CALR: variants seen among roughly 807,000 people sequenced by gnomAD.
CALR encodes CRP55.
In CALR, 15 loss-of-function variants were observed where a neutral mutation model predicts 51.1. The observed-to-expected ratio is 0.29, with a 90% CI of 0.20 to 0.45. The LOEUF is 0.45. Ranked by LOEUF, CALR falls within the 20% of genes least tolerant of loss-of-function variation. The probability of loss-of-function intolerance (pLI) is 1.00; values close to 1 mark genes in which losing one functional copy is unlikely to be tolerated. For missense variants in CALR, 477 were observed against 530.6 expected (o/e 0.90, Z 0.99); for synonymous variants, 239 against 205.9 (o/e 1.16, Z -1.38).
rs1236689355 is a variant in CALR, at chr19:12,939,248, G to C, written c.193+13G>C. The stretch of plus-strand genomic sequence containing the variant: ...GAGAAAGATAAAGGTAAGAGCCTAG[G>C]AGTGGGTGCTCAGATCCGGGAGGAC... On this transcript the variant is annotated intron_variant, in intron 2 of 8. Coordinates refer to ENST00000316448, the MANE Select transcript of CALR (RefSeq NM_004343.4). The C allele has an allele frequency of 3.8e-6, 6 of 1,577,522 alleles. No homozygotes were observed. In the African/African-American group the frequency reaches 6.7e-5, roughly 18 times the overall value.
intron 7 of CALR, among the ~76,000 whole-genome samples, chr19:12,942,130 C>T (rs57171418): frequency 3.3e-5 from 5 of 151,748 alleles, no homozygotes; most frequent in South Asian, 2.1e-4. Context: ...GAGGCCAAGG[C>T]GGGTGGATCA....
chr19:12,940,179 A>G, intron 4 of CALR, 32 bp downstream of exon 4: 1 of 1,610,492 alleles, frequency 6.2e-7, no homozygotes, highest in South Asian at 1.1e-5. Context: ...AATGGCTGTC[A>G]TGGGGAGATT....
chr19:12,939,317 T>TC (rs1971512266), intron 2 of CALR, 82 bp downstream of exon 2: 1 of 1,439,460 alleles, frequency 6.9e-7, no homozygotes, highest in African/African-American at 1.4e-5. Context: ...GCCGGGACAG[T>TC]CCCCTTGGAG....
At chr19:12,942,361 A>C (rs946272980) in intron 7 of CALR, among the ~76,000 whole-genome samples, 10 of 99,724 alleles carry the variant, frequency 1.0e-4, no homozygotes, top group African/African-American at 3.2e-4. Context: ...ACTCTGTCCC[A>C]AAAAAAAAAA....
chr19:12,940,554 C>G lies in CALR; in HGVS notation c.716C>G (p.Pro239Arg). 6.2e-7 allele frequency: 1 copy of G among 1,614,098 alleles called. No homozygotes were observed. The highest frequency in any genetic ancestry group is 8.5e-7 in the Non-Finnish European group (1 of 1,179,968). ...TCTACCCCCCAGGACTGGGACAAGC[C>G]CGAGCATATCCCTGACCCTGATGCT... ...TDSKPEDWDK[P>R]EHIPDPDAKK... The change falls in exon 6 of 9, where the codon CCC becomes CGC. Residue 239 changes from proline to arginine, a missense_variant. By Grantham distance (103) the Pro-to-Arg change is moderately radical. Transcript: ENST00000316448.
intron 2 of CALR, 73 bp from the exon 3 acceptor site, chr19:12,939,355 C>T: frequency 6.6e-7 from 1 of 1,513,956 alleles, no homozygotes; most frequent in Non-Finnish European, 9.2e-7. Flanking sequence ...GTGGGGGAGT[C>T]TTCTCTATTC....
Position 12,940,347 on chromosome 19 carries a change from T to C in CALR, c.597T>C (p.Asp199=), listed in dbSNP as rs555232175. 9.3e-6 allele frequency: 15 copies of C among 1,614,072 alleles called. No homozygotes were observed. Among genetic ancestry groups the C allele is most frequent in the South Asian group, 3.3e-5 (3 of 91,082 alleles). The change falls in exon 5 of 9, where the codon GAT becomes GAC. Residue 199 remains aspartate (D), a synonymous_variant. Coordinates refer to ENST00000316448, the MANE Select transcript of CALR (RefSeq NM_004343.4). ...SQVESGSLED[D]WDFLPPKKIK... is the part of the protein sequence containing the mutation. The stretch of plus-strand genomic sequence containing the variant: ...TGGAGTCCGGCTCCTTGGAAGACGA[T>C]TGGGACTTCCTGCCACCCAAGAAGA...
Position 12,943,776 on chromosome 19 carries a change from G to GC in CALR, c.1117_1118insC (p.Asp373AlafsTer16). 6.2e-7 allele frequency: 1 copy of GC among 1,602,984 alleles called. No homozygotes were observed. Among genetic ancestry groups the GC allele is most frequent in the Non-Finnish European group, 8.5e-7 (1 of 1,174,468 alleles). ...GCAGAGGCTTAAGGAGGAGGAAGAA[G>GC]ACAAGAAACGCAAAGAGGAGGAGGA... is the stretch of plus-strand genomic sequence containing the variant. On this transcript the variant is annotated frameshift_variant, in exon 9 of 9. Coordinates refer to ENST00000316448, the MANE Select transcript of CALR (RefSeq NM_004343.4). LOFTEE classifies it high-confidence loss of function.
intron 3 of CALR, among the ~76,000 whole-genome samples, 190 bp from the exon 4 acceptor site, chr19:12,939,861 ATT>A (rs34384403): frequency 9.1e-4 from 134 of 147,492 alleles, no homozygotes; most frequent in African/African-American, 3.2e-3. Context: ...TAGAGCACTG[ATT>A]TTTTTTTTTT....
In CALR at chr19:12,940,646, G is replaced by A. The variant is rs1971533282; in HGVS notation, c.808G>A (p.Glu270Lys). Reference protein sequence around the residue: ...EWEPPVIQNPEYKGEWKPRQI... With the variant: ...EWEPPVIQNPKYKGEWKPRQI... ...GGAACCCCCAGTGATTCAGAACCCT[G>A]AGTACAAGGTGAGTTTGGGGCTCTG... is the stretch of plus-strand genomic sequence containing the variant. The change falls in exon 6 of 9, where the codon GAG (glutamate) becomes AAG (lysine). Residue 270 changes from glutamate (E) to lysine (K), a missense_variant. Glu to Lys is a moderately conservative substitution (Grantham distance 56). Transcript: ENST00000316448. 2 of 1,614,104 alleles carry A rather than the reference G, an allele frequency of 1.2e-6. No individual in the cohort carries two copies. The highest frequency in any genetic ancestry group is 1.7e-6 in the Non-Finnish European group (2 of 1,179,944).
At chr19:12,939,278 T>C (rs1468894656) in intron 2 of CALR, 43 bp downstream of exon 2, 1 of 1,458,124 alleles carries the variant, frequency 6.9e-7, no homozygotes, top group South Asian at 1.2e-5. Context: ...GAGGACTTCC[T>C]GGCAGAAGTC....
intron 7 of CALR, 170 bp from the exon 8 acceptor site, chr19:12,943,367 A>T: frequency 1.4e-6 from 1 of 690,622 alleles, no homozygotes; most frequent in Non-Finnish European, 2.6e-6. Context: ...GGCGTGATCC[A>T]CCTCACCTGG....
chr19:12,943,874 G>C lies in CALR; in HGVS notation c.1215G>C (p.Glu405Asp). The C allele has an allele frequency of 6.3e-7, 1 of 1,589,782 alleles. No homozygotes were observed. The highest frequency in any genetic ancestry group is 1.1e-5 in the South Asian group (1 of 87,526). The change falls in exon 9 of 9, where the codon GAG (glutamate) becomes GAC (aspartate). Residue 405 changes from glutamate to aspartate, a missense_variant. Physicochemically the swap from Glu to Asp is conservative, Grantham distance 45 (BLOSUM62 2). Coordinates refer to ENST00000316448, the MANE Select transcript of CALR (RefSeq NM_004343.4). ...EEDEEDKEEDEEEDVPGQAKD... is the reference protein window; with the variant it reads ...EEDEEDKEEDDEEDVPGQAKD... ...ATGAGGAGGACAAGGAGGAAGATGAGGAGGAAGATGTCCCCGGCCAGGCCA... is the reference window on the plus strand; with the variant it reads ...ATGAGGAGGACAAGGAGGAAGATGACGAGGAAGATGTCCCCGGCCAGGCCA...
chr19:12,938,652 CCG>C lies in CALR; in HGVS notation c.-23_-22del. 6.3e-7 allele frequency: 1 copy of C among 1,575,828 alleles called. No homozygotes were observed. The highest frequency in any genetic ancestry group is 1.3e-5 in the African/African-American group (1 of 74,152). On this transcript the variant is annotated 5_prime_UTR_variant, in exon 1 of 9. Transcript: ENST00000316448. ...CTGCCGGAGGGTCGTTTTAAAGGGC[CCG>C]CGCGTTGCCGCCCCCTCGGCCCGCC...
At chr19:12,942,451 G>A (rs758379181) in intron 7 of CALR, among the ~76,000 whole-genome samples, 4 of 151,958 alleles carry the variant, frequency 2.6e-5, no homozygotes, top group Non-Finnish European at 4.4e-5. Flanking sequence ...CATGTAGTAG[G>A]TACCTGAAAA....
chr19:12,939,097 C>G, intron 1 of CALR, 37 bp from the exon 2 acceptor site: 1 of 1,252,752 alleles, frequency 8.0e-7, no homozygotes, highest in South Asian at 1.3e-5. Flanking sequence ...GGGATTAGCA[C>G]AGCCGCTCTG....
At position 12,943,630 on chromosome 19, in the gene CALR, G is replaced by A; in HGVS notation, c.1053+1G>A. 1 of 1,614,162 alleles carries A rather than the reference G, an allele frequency of 6.2e-7. No homozygotes were observed. The highest frequency in any genetic ancestry group is 8.5e-7 in the Non-Finnish European group (1 of 1,180,044). ...CAACGAGACGTGGGGCGTAACAAAGGTGAGGCCTGGTCCTGGTCCTGATGT... is the reference window on the plus strand; with the variant it reads ...CAACGAGACGTGGGGCGTAACAAAGATGAGGCCTGGTCCTGGTCCTGATGT... On this transcript the variant is annotated splice_donor_variant, in intron 8 of 8. Transcript: ENST00000316448. LOFTEE classifies it high-confidence loss of function.
chr19:12,938,815 G>T (rs776407451), intron 1 of CALR, 45 bp downstream of exon 1: 258 of 1,416,020 alleles, frequency 1.8e-4, no homozygotes, highest in Middle Eastern at 1.2e-3. Context: ...GACGCGGCCG[G>T]CCCCCGATCC....
Position 12,939,473 on chromosome 19 carries a change from G to C in CALR, c.239G>C (p.Ser80Thr), listed in dbSNP as rs777068782. ...QDARFYALSA[S>T]FEPFSNKGQT... ...GCACGCTTTTATGCTCTGTCGGCCA[G>C]TTTCGAGCCTTTCAGCAACAAAGGC... is the stretch of plus-strand genomic sequence containing the variant. Residue 80 changes from serine to threonine, a missense_variant, in exon 3 of 9, where the codon AGT (serine) becomes ACT (threonine). By Grantham distance (58) the Ser-to-Thr change is moderately conservative. Transcript: ENST00000316448. 8 of 1,612,584 alleles carry C rather than the reference G, an allele frequency of 5.0e-6. No individual in the cohort carries two copies. The highest frequency in any genetic ancestry group is 4.1e-4 in the Middle Eastern group (2 of 4,834).
Sources: gnomAD v4.1 joint callset for allele counts (sites outside exome capture counted in the v4.1 genomes callset) on GRCh38, gnomAD v4.1.1 for gene constraint, MANE v1.5 for transcripts, NCBI Gene and HGNC (gene_info 2026-07-23, HGNC 2026-07-21) for gene names.